SLC35D4: variants seen among roughly 807,000 people sequenced by gnomAD.
SLC35D4 encodes UDP-N-acetylglucosamine transporter SLC35D4.
the SLC35D4 span, chr18:23,258,764 C>G: frequency 6.6e-6 from 1 of 152,244 alleles, no homozygotes; most frequent in Non-Finnish European, 1.5e-5. Flanking sequence ...GAGCTTCACA[C>G]ACCAGCCCAG....
chr18:23,399,178 C>T, the SLC35D4 span, among the ~76,000 whole-genome samples: 3 of 152,186 alleles, frequency 2.0e-5, no homozygotes, highest in African/African-American at 7.2e-5. Context: ...GGCCACGTTA[C>T]CAATGGGCAG....
chr18:23,325,923 G>C, the SLC35D4 span, among the ~76,000 whole-genome samples: 1 of 152,196 alleles, frequency 6.6e-6, no homozygotes, highest in East Asian at 1.9e-4. Flanking sequence ...TTTTCATAAA[G>C]ATCTCTTAAA....
At chr18:23,397,449 T>G in the SLC35D4 span, among the ~76,000 whole-genome samples, 1 of 152,128 alleles carries the variant, frequency 6.6e-6, no homozygotes, top group Non-Finnish European at 1.5e-5. Flanking sequence ...ATTGTTGCTA[T>G]AGGGGTGGGC....
the SLC35D4 span, among the ~76,000 whole-genome samples, chr18:23,295,405 G>C: frequency 6.6e-6 from 1 of 151,942 alleles, no homozygotes; most frequent in Non-Finnish European, 1.5e-5. Flanking sequence ...TTCAAAGTGA[G>C]AAGGTATGTC....
chr18:23,334,194 GA>G, the SLC35D4 span, among the ~76,000 whole-genome samples: 125 of 152,310 alleles, frequency 8.2e-4, no homozygotes, highest in Middle Eastern at 3.4e-3. Context: ...AACCATGCCA[GA>G]AAATTGTGCG....
At chr18:23,368,684 T>C in the SLC35D4 span, 2 of 1,251,758 alleles carry the variant, frequency 1.6e-6, no homozygotes, top group Non-Finnish European at 2.3e-6. Context: ...AGGATATGAA[T>C]TGTTCTTTAA....
chr18:23,352,218 G>A, the SLC35D4 span: 3 of 1,611,942 alleles, frequency 1.9e-6, no homozygotes, highest in Non-Finnish European at 8.5e-7. Context: ...AATCCAGGCT[G>A]CACACTGCCC....
At chr18:23,313,198 T>C in the SLC35D4 span, among the ~76,000 whole-genome samples, 1 of 129,620 alleles carries the variant, frequency 7.7e-6, no homozygotes, top group African/African-American at 2.8e-5. Context: ...CACATGAACA[T>C]GCAACAGGCT....
chr18:23,364,701 G>A, the SLC35D4 span, among the ~76,000 whole-genome samples: 9,173 of 151,980 alleles, frequency 0.06, 393 homozygotes, highest in Non-Finnish European at 0.09. Flanking sequence ...TCAGGAGATC[G>A]AGACCATCCT....
chr18:23,245,978 G>A, the SLC35D4 span, among the ~76,000 whole-genome samples: 2 of 152,208 alleles, frequency 1.3e-5, no homozygotes, highest in African/African-American at 4.8e-5. Context: ...ATTGAAAACA[G>A]TGGTCCCGGC....
At chr18:23,380,539 T>TGTGCCAGCCCGAGTGTAC in the SLC35D4 span, among the ~76,000 whole-genome samples, 1 of 152,128 alleles carries the variant, frequency 6.6e-6, no homozygotes, top group Non-Finnish European at 1.5e-5. Flanking sequence ...ACCCATACCC[T>TGTGCCAGCCCGAGTGTAC]GTGCCAGCCC....
chr18:23,410,347 G>T, the SLC35D4 span, among the ~76,000 whole-genome samples: 2 of 151,908 alleles, frequency 1.3e-5, no homozygotes, highest in African/African-American at 4.8e-5. Context: ...TGCGGTGGTG[G>T]GCGCCTGTAG....
the SLC35D4 span, chr18:23,421,412 T>G: frequency 6.2e-7 from 1 of 1,613,952 alleles, no homozygotes; most frequent in East Asian, 2.2e-5. Flanking sequence ...CCAGGACACA[T>G]GAAGCAAAAG....
the SLC35D4 span, among the ~76,000 whole-genome samples, chr18:23,382,283 T>A: frequency 2.8e-5 from 4 of 142,162 alleles, no homozygotes; most frequent in South Asian, 2.3e-4. Context: ...CTTTGGAGAA[T>A]ATGAGTTTTT....
chr18:23,434,474 G>A, the SLC35D4 span, among the ~76,000 whole-genome samples: 1 of 152,168 alleles, frequency 6.6e-6, no homozygotes, highest in African/African-American at 2.4e-5. Flanking sequence ...TATGCACATG[G>A]AAGGTATTTT....
At chr18:23,286,837 T>A in the SLC35D4 span, among the ~76,000 whole-genome samples, 1 of 152,108 alleles carries the variant, frequency 6.6e-6, no homozygotes, top group African/African-American at 2.4e-5. Flanking sequence ...TTAACTAAAT[T>A]ATCTGCTTCC....
the SLC35D4 span, among the ~76,000 whole-genome samples, chr18:23,247,387 G>C: frequency 6.6e-6 from 1 of 152,240 alleles, no homozygotes. Flanking sequence ...TCCATACTCT[G>C]AACAGTGTGG....
the SLC35D4 span, among the ~76,000 whole-genome samples, chr18:23,266,900 T>C: frequency 2.0e-5 from 3 of 152,228 alleles, no homozygotes; most frequent in African/African-American, 7.2e-5. Context: ...TCGCCGAAGC[T>C]CAGGGAGTGA....
chr18:23,384,968 A>G, the SLC35D4 span: 1 of 1,608,338 alleles, frequency 6.2e-7, no homozygotes. Flanking sequence ...AAGTAACACT[A>G]GCATTTTGCA....
Sources: allele counts gnomAD v4.1 joint callset (sites outside exome capture counted in the v4.1 genomes callset), GRCh38; gene constraint gnomAD v4.1.1; transcripts MANE v1.5; gene names NCBI Gene and HGNC (gene_info 2026-07-23, HGNC 2026-07-21).